Variants in RASEF observed in about 807,000 individuals in gnomAD.
The protein encoded by RASEF is ras and EF-hand domain-containing protein.
Under a neutral mutation model 90.1 loss-of-function variants are expected in RASEF, and 68 were observed. The observed-to-expected ratio is 0.75, with a 90% CI of 0.62 to 0.92. The LOEUF is 0.92. Among genes scored for constraint, RASEF ranks in the 40% least tolerant of loss-of-function variants. The pLI is 0.00. For missense variants in RASEF, 949 were observed against 937.2 expected, an observed-to-expected ratio of 1.01 and a Z score of -0.16; for synonymous variants, 331 against 345.2, an observed-to-expected ratio of 0.96 and a Z score of 0.46.
At chr9:83,103,759 C>G in the RASEF span, among the ~76,000 whole-genome samples, 1 of 152,176 alleles carries the variant, frequency 6.6e-6, no homozygotes, top group African/African-American at 2.4e-5. Context: ...CTTCCTTAGA[C>G]CCCTGGATTG....
intron 3 of RASEF, 42 bp downstream of exon 3, chr9:83,022,294 T>C: frequency 6.8e-7 from 1 of 1,467,628 alleles, no homozygotes; most frequent in Non-Finnish European, 9.5e-7. Context: ...AGAAACCACC[T>C]CATAAAGATC....
chr9:83,089,117 C>T, the RASEF span, among the ~76,000 whole-genome samples: 3 of 151,708 alleles, frequency 2.0e-5, no homozygotes, highest in South Asian at 2.1e-4. Context: ...AATGCCTGAG[C>T]GTTAAATAAT....
chr9:83,112,682 G>A, the RASEF span, among the ~76,000 whole-genome samples: 370 of 148,050 alleles, frequency 2.5e-3, 1 homozygote, highest in African/African-American at 9.2e-3. Context: ...AGTGAAACTC[G>A]GTCTCAAAAA....
chr9:83,058,296 C>T (rs1355876100), intron 1 of RASEF, among the ~76,000 whole-genome samples: 6 of 145,584 alleles, frequency 4.1e-5, no homozygotes, highest in African/African-American at 1.3e-4. Context: ...CATTCTCCTG[C>T]CTCAGCCTCC....
intron 3 of RASEF, among the ~76,000 whole-genome samples, chr9:83,017,887 A>G (rs1458033248): frequency 1.3e-5 from 2 of 152,244 alleles, no homozygotes; most frequent in African/African-American, 4.8e-5. Flanking sequence ...GTTTGTTTTA[A>G]TATTCAAAAA....
chr9:83,139,463 G>A, the RASEF span, among the ~76,000 whole-genome samples: 1 of 152,100 alleles, frequency 6.6e-6, no homozygotes, highest in African/African-American at 2.4e-5. Flanking sequence ...GTATGTTATA[G>A]GTATTATCTA....
intron 16 of RASEF, among the ~76,000 whole-genome samples, chr9:82,987,605 T>C (rs1010123205): frequency 2.0e-5 from 3 of 152,184 alleles, no homozygotes; most frequent in Non-Finnish European, 4.4e-5. Flanking sequence ...CTCTCCCATC[T>C]TTATGACATA....
chr9:83,106,943 T>A, the RASEF span, among the ~76,000 whole-genome samples: 3 of 152,138 alleles, frequency 2.0e-5, no homozygotes, highest in Non-Finnish European at 4.4e-5. Flanking sequence ...ATAATCAGAA[T>A]CCACATGAAC....
intron 5 of RASEF, among the ~76,000 whole-genome samples, chr9:83,011,632 T>C (rs1316079263): frequency 1.3e-5 from 2 of 148,680 alleles, no homozygotes; most frequent in Admixed American, 6.7e-5. Flanking sequence ...CTAAACAAAT[T>C]TCATGCATTG....
At chr9:83,049,154 T>C (rs1487293199) in intron 1 of RASEF, 1 of 232,970 alleles carries the variant, frequency 4.3e-6, no homozygotes, top group Admixed American at 6.8e-5. Flanking sequence ...ATCCTGTGAA[T>C]TCCAGAGTTG....
the RASEF span, among the ~76,000 whole-genome samples, chr9:83,186,012 G>A: frequency 3.3e-4 from 50 of 152,146 alleles, no homozygotes; most frequent in Non-Finnish European, 4.1e-4. Context: ...TTATCCCTGC[G>A]TCGTTTTCCC....
chr9:83,200,889 C>G, the RASEF span: 1 of 152,234 alleles, frequency 6.6e-6, no homozygotes, highest in Non-Finnish European at 1.5e-5. Context: ...TGACCTCCAG[C>G]TGACTTTGCT....
upstream of RASEF, among the ~76,000 whole-genome samples, chr9:83,066,208 CAG>C (rs1184706427): frequency 6.6e-6 from 1 of 152,192 alleles, no homozygotes; most frequent in African/African-American, 2.4e-5. Context: ...TCCTTACTAT[CAG>C]GACAAAATGT....
At chr9:83,104,819 T>G in the RASEF span, among the ~76,000 whole-genome samples, 1 of 152,220 alleles carries the variant, frequency 6.6e-6, no homozygotes, top group East Asian at 1.9e-4. Flanking sequence ...AACATTTAAC[T>G]GCTGAAACTG....
At chr9:83,138,707 G>A in the RASEF span, among the ~76,000 whole-genome samples, 2 of 152,058 alleles carry the variant, frequency 1.3e-5, no homozygotes, top group African/African-American at 2.4e-5. Flanking sequence ...AAATCCCCTC[G>A]TAGAGCTTTG....
the RASEF span, among the ~76,000 whole-genome samples, chr9:83,205,839 G>A: frequency 3.9e-5 from 6 of 152,128 alleles, no homozygotes; most frequent in South Asian, 6.2e-4. Context: ...GTCAAACCTC[G>A]GCCTTTCCTC....
chr9:82,996,743 A>C (rs554465760), intron 14 of RASEF, among the ~76,000 whole-genome samples: 40 of 152,114 alleles, frequency 2.6e-4, no homozygotes, highest in Non-Finnish European at 5.3e-4. Context: ...CTTGCTTACG[A>C]TGGGATTCTG....
At chr9:83,131,233 T>C in the RASEF span, among the ~76,000 whole-genome samples, 1 of 152,126 alleles carries the variant, frequency 6.6e-6, no homozygotes, top group Non-Finnish European at 1.5e-5. Context: ...ATAGAAAAGT[T>C]ACAGGAAACA....
At chr9:83,003,022 C>T (rs1234211244) in intron 9 of RASEF, among the ~76,000 whole-genome samples, 7 of 151,996 alleles carry the variant, frequency 4.6e-5, no homozygotes, top group Admixed American at 3.9e-4. Flanking sequence ...TGTAAAAGTA[C>T]AAAACAAATT....
Sources: allele counts gnomAD v4.1 joint callset (sites outside exome capture counted in the v4.1 genomes callset), GRCh38; gene constraint gnomAD v4.1.1; transcripts MANE v1.5; gene names NCBI Gene and HGNC (gene_info 2026-07-23, HGNC 2026-07-21).